PROKR2: variants seen among roughly 807,000 people sequenced by gnomAD.
PROKR2 encodes the protein prokineticin receptor 2, also known as G protein-coupled receptor 73-like 1.
PROKR2 carries 26 observed loss-of-function variants against 23.4 expected under a neutral mutation model. That is an observed-to-expected ratio of 1.11 (90% CI 0.81 to 1.54). The LOEUF (loss-of-function observed/expected upper bound fraction) is 1.54, where lower values mean the gene tolerates loss of function less well. Ranked by LOEUF, PROKR2 falls within the 40% of genes most tolerant of loss-of-function variation. The probability of loss-of-function intolerance (pLI) is 0.00; values close to 1 mark genes in which losing one functional copy is unlikely to be tolerated. For missense variants in PROKR2, 453 were observed against 511.5 expected (o/e 0.89, Z 1.10); for synonymous variants, 212 against 201.2 (o/e 1.05, Z -0.45).
intron 2 of PROKR2, among the ~76,000 whole-genome samples, chr20:5,310,610 C>T (rs1023597838): frequency 5.9e-5 from 9 of 152,228 alleles, no homozygotes; most frequent in South Asian, 2.1e-4. Flanking sequence ...TTCTCCCTAT[C>T]CTACCACCTG....
At chr20:5,306,854 C>T (rs1163458421) in intron 2 of PROKR2, among the ~76,000 whole-genome samples, 2 of 152,168 alleles carry the variant, frequency 1.3e-5, no homozygotes, top group Admixed American at 6.5e-5. Flanking sequence ...TGCCCAAAGG[C>T]CAGATGTTAT....
intron 2 of PROKR2, among the ~76,000 whole-genome samples, chr20:5,304,946 C>T (rs1979163498): frequency 6.6e-6 from 1 of 152,106 alleles, no homozygotes; most frequent in East Asian, 1.9e-4. Context: ...CTAGCACAGG[C>T]AGTGGCAGGA....
chr20:5,305,287 TG>T (rs1979176483), intron 2 of PROKR2, among the ~76,000 whole-genome samples: 1 of 152,204 alleles, frequency 6.6e-6, no homozygotes, highest in South Asian at 2.1e-4. Context: ...CAGCTGGTAG[TG>T]CTGCAGTAGA....
At chr20:5,312,563 C>T (rs1035994122) in intron 2 of PROKR2, among the ~76,000 whole-genome samples, 1 of 151,966 alleles carries the variant, frequency 6.6e-6, no homozygotes, top group Non-Finnish European at 1.5e-5. Flanking sequence ...TTATGTTATA[C>T]AAAGGAAGGA....
chr20:5,310,447 T>C (rs935335699), intron 2 of PROKR2, among the ~76,000 whole-genome samples: 7 of 152,232 alleles, frequency 4.6e-5, no homozygotes, highest in Admixed American at 6.5e-5. Context: ...TATCTAATTC[T>C]GGGATTGACT....
chr20:5,306,468 G>T (rs960248917), intron 2 of PROKR2, among the ~76,000 whole-genome samples: 3 of 152,176 alleles, frequency 2.0e-5, no homozygotes, highest in African/African-American at 7.2e-5. Context: ...GACTGTGAAT[G>T]GTTTGCATTT....
rs4815786 is a variant in PROKR2 at position 5,301,118 on chromosome 20, A to G, written c.*922T>C. On this transcript the variant is annotated 3_prime_UTR_variant, in exon 3 of 3. Transcript: ENST00000678254. ...GAAAGTTCAGTATGATGGCTGTAAC[A>G]CACCTCCCATGATGCTGTAAACCAC... Among the ~76,000 whole-genome samples, 111,200 of 152,100 alleles carry G rather than the reference A, an allele frequency of 0.73. 40,635 individuals carry two copies. Among genetic ancestry groups the G allele is most frequent in the South Asian group, 0.77 (3,712 of 4,824 alleles).
In PROKR2 at chr20:5,300,666, A is replaced by G. The variant is rs114837215; in HGVS notation, c.*1374T>C. Among the ~76,000 whole-genome samples, 956 of 152,320 alleles carry G rather than the reference A, an allele frequency of 6.3e-3. 11 individuals are homozygous for G. Among genetic ancestry groups the G allele is most frequent in the African/African-American group, 0.022 (894 of 41,572 alleles). On this transcript the variant is annotated 3_prime_UTR_variant, in exon 3 of 3. Transcript: ENST00000678254. ...AACTGAGACACAGAGAGAAAACATC[A>G]TGAATTTAGGACTTGAGTCTTAGAG... is the stretch of plus-strand genomic sequence containing the variant.
chr20:5,314,338 G>A lies in PROKR2; in HGVS notation c.32C>T (p.Thr11Ile), dbSNP rs752490227. The change falls in exon 2 of 3, where the codon ACA becomes ATA. Residue 11 changes from threonine to isoleucine, a missense_variant. Coordinates refer to ENST00000678254, the MANE Select transcript of PROKR2 (RefSeq NM_144773.4). MAAQNGNTSF[T>I]PNFNPPQDHA... ...GTCTTGGGGTGGATTAAAGTTGGGT[G>A]TGAAACTGGTGTTTCCATTCTGGGC... The A allele has an allele frequency of 3.1e-5, 50 of 1,614,150 alleles. No individual in the cohort carries two copies. Among genetic ancestry groups the A allele is most frequent in the Middle Eastern group, 1.7e-4 (1 of 6,028 alleles).
chr20:5,309,367 G>T (rs562763086), intron 2 of PROKR2, among the ~76,000 whole-genome samples: 18 of 152,218 alleles, frequency 1.2e-4, no homozygotes, highest in Non-Finnish European at 2.6e-4. Context: ...CTTTCTGGAG[G>T]TGCTGATGGG....
At chr20:5,308,822 C>A (rs1473947941) in intron 2 of PROKR2, among the ~76,000 whole-genome samples, 1 of 152,202 alleles carries the variant, frequency 6.6e-6, no homozygotes, top group African/African-American at 2.4e-5. Context: ...CATGTTATTT[C>A]TTCCTGTCCC....
rs1203781683 is a variant in PROKR2, at chr20:5,316,565, C to A, written c.-80G>T. 3 of 338,234 alleles carry A rather than the reference C, an allele frequency of 8.9e-6. No homozygotes were observed. Among genetic ancestry groups the A allele is most frequent in the Admixed American group, 3.9e-5 (1 of 25,930 alleles). 21.0% of individuals were successfully genotyped at this position (338,234 alleles called of 1,614,324 possible). ...GATCGAGAGTCACAGTGTGGTTGGG[C>A]GCAGGCGGGCCGCTCGGTTTTCACC... On this transcript the variant is annotated 5_prime_UTR_variant, in exon 1 of 3. Coordinates refer to ENST00000678254, the MANE Select transcript of PROKR2 (RefSeq NM_144773.4). The surrounding 1 kb of genome is among the most constrained non-coding windows in gnomAD (Gnocchi z 5.0).
chr20:5,308,335 C>T (rs1979303164), intron 2 of PROKR2, among the ~76,000 whole-genome samples: 1 of 152,236 alleles, frequency 6.6e-6, no homozygotes, highest in South Asian at 2.1e-4. Flanking sequence ...CAAGGAACAC[C>T]TGGCCCGCCC....
intron 2 of PROKR2, among the ~76,000 whole-genome samples, chr20:5,308,678 G>T (rs920229308): frequency 6.6e-6 from 1 of 152,150 alleles, no homozygotes; most frequent in African/African-American, 2.4e-5. Context: ...TAGCGCTGCT[G>T]GGGTAGGGTC....
At position 5,300,930 on chromosome 20, in the gene PROKR2, T is replaced by A. The variant is rs984621802; in HGVS notation, c.*1110A>T. Among the ~76,000 whole-genome samples, 5 of 152,168 alleles carry A rather than the reference T, an allele frequency of 3.3e-5. No individual in the cohort carries two copies. The highest frequency in any genetic ancestry group is 1.2e-4 in the African/African-American group (5 of 41,446). ...ATTACCCATCTCCACCCAAATAAAA[T>A]GATAAGCTTTCAAGCATCAGTGGGA... On this transcript the variant is annotated 3_prime_UTR_variant, in exon 3 of 3. Coordinates refer to ENST00000678254, the MANE Select transcript of PROKR2 (RefSeq NM_144773.4).
chr20:5,303,554 A>T (rs2122206601), intron 2 of PROKR2, among the ~76,000 whole-genome samples: 1 of 152,236 alleles, frequency 6.6e-6, no homozygotes, highest in East Asian at 1.9e-4. Flanking sequence ...AATGAGCCAC[A>T]CTGTCTTGGA....
At chr20:5,310,551 T>C (rs1481139196) in intron 2 of PROKR2, among the ~76,000 whole-genome samples, 1 of 125,718 alleles carries the variant, frequency 8.0e-6, no homozygotes, top group African/African-American at 3.1e-5. Flanking sequence ...TTTTGCTTTA[T>C]TTTTTTCAAT....
chr20:5,305,179 A>G (rs756349654), intron 2 of PROKR2, among the ~76,000 whole-genome samples: 3 of 152,258 alleles, frequency 2.0e-5, no homozygotes, highest in Non-Finnish European at 4.4e-5. Flanking sequence ...CTGATTTCGG[A>G]AAACACCATG....
At chr20:5,305,565 T>A (rs373712702) in intron 2 of PROKR2, among the ~76,000 whole-genome samples, 1 of 151,942 alleles carries the variant, frequency 6.6e-6, no homozygotes, top group Non-Finnish European at 1.5e-5. Flanking sequence ...TATGTGGAAA[T>A]GGGGAAAAGT....
Sources: allele counts gnomAD v4.1 joint callset (sites outside exome capture counted in the v4.1 genomes callset), GRCh38; gene constraint gnomAD v4.1.1; non-coding constraint Gnocchi (gnomAD v3.1); transcripts MANE v1.5; gene names NCBI Gene and HGNC (gene_info 2026-07-23, HGNC 2026-07-21).